Variants in SMOC2 observed in about 807,000 individuals in gnomAD.
SMOC2 encodes SPARC-related modular calcium-binding protein 2.
In SMOC2, 39 loss-of-function variants were observed where a neutral mutation model predicts 61.4. The observed-to-expected ratio is 0.64, with a 90% CI of 0.49 to 0.83. The LOEUF (loss-of-function observed/expected upper bound fraction) is 0.83. Ranked by LOEUF, SMOC2 falls within the 40% of genes least tolerant of loss-of-function variation. The probability of loss-of-function intolerance (pLI) is 0.00; values close to 1 mark genes in which losing one functional copy is unlikely to be tolerated. For synonymous variants in SMOC2, 247 were observed against 239.9 expected, an observed-to-expected ratio of 1.03 and a Z score of -0.27; for missense variants, 556 against 592.9, an observed-to-expected ratio of 0.94 and a Z score of 0.65.
At position 168,539,840 on chromosome 6, in the gene SMOC2, T is replaced by C. The variant is rs147455270; in HGVS notation, c.464-3785T>C. 3.2e-4 allele frequency among the ~76,000 whole-genome samples: 49 copies of C among 152,232 alleles called. No homozygotes were observed. The East Asian group carries it at 7.0e-3, about 22-fold the overall frequency. The stretch of plus-strand genomic sequence containing the variant: ...CTCTTCCTCAGAGAGGCCTTTCTGC[T>C]CAAAGTCAGCTCTCCTGAGGACTAA... On this transcript the variant is annotated intron_variant, in intron 4 of 12. Coordinates refer to ENST00000356284, the MANE Select transcript of SMOC2 (RefSeq NM_001166412.2).
chr6:168,576,636 C>T (rs1281581182), intron 7 of SMOC2, among the ~76,000 whole-genome samples: 1 of 152,030 alleles, frequency 6.6e-6, no homozygotes, highest in Non-Finnish European at 1.5e-5. Context: ...CTCCATGGAA[C>T]CCCCAACCAC....
intron 1 of SMOC2, among the ~76,000 whole-genome samples, chr6:168,502,747 T>C (rs1012678865): frequency 2.7e-5 from 1 of 37,660 alleles, no homozygotes; most frequent in Admixed American, 2.3e-4. Flanking sequence ...TTTAATTTAA[T>C]TTAATTTAAT....
Position 168,488,561 on chromosome 6 carries a change from G to A in SMOC2, c.85-21354G>A, listed in dbSNP as rs181253341. On this transcript the variant is annotated intron_variant, in intron 1 of 12. Transcript: ENST00000356284. The stretch of plus-strand genomic sequence containing the variant: ...TCCATCTGCTGAAAGCCAGGGCACT[G>A]TGGGTGGGAGGCAGAGAAAACTAAC... 3.7e-3 allele frequency among the ~76,000 whole-genome samples: 562 copies of A among 152,336 alleles called. 3 individuals are homozygous for A. The highest frequency in any genetic ancestry group is 0.013 in the African/African-American group (543 of 41,580).
intron 1 of SMOC2, among the ~76,000 whole-genome samples, chr6:168,496,998 A>G (rs1782606865): frequency 6.6e-6 from 1 of 152,226 alleles, no homozygotes; most frequent in Admixed American, 6.5e-5. Flanking sequence ...CCCGGCAAGC[A>G]TGGGGAAGGC....
intron 9 of SMOC2, among the ~76,000 whole-genome samples, chr6:168,635,121 TTC>T (rs1454424228): frequency 1.3e-5 from 2 of 151,912 alleles, no homozygotes; most frequent in Non-Finnish European, 2.9e-5. Context: ...ACTTCACGAG[TTC>T]TCTCTTATTT....
At position 168,534,488 on chromosome 6, in the gene SMOC2, C is replaced by T. The variant is rs1583088419; in HGVS notation, c.463+6761C>T. On this transcript the variant is annotated intron_variant, in intron 4 of 12. Transcript: ENST00000356284. ...CCCTGCGTCCCGCCCTGGCCCTTCC[C>T]TGGGTGATGACTCCAGAGGCCCTTG... is the stretch of plus-strand genomic sequence containing the variant. Among the ~76,000 whole-genome samples, 3 of 152,350 alleles carry T rather than the reference C, an allele frequency of 2.0e-5. No individual in the cohort carries two copies. The East Asian group carries it at 5.8e-4, about 29-fold the overall frequency.
intron 9 of SMOC2, among the ~76,000 whole-genome samples, chr6:168,638,624 G>T (rs1314653228): frequency 6.6e-6 from 1 of 152,178 alleles, no homozygotes; most frequent in African/African-American, 2.4e-5. Flanking sequence ...GGCCCATCAG[G>T]AGGGACAGCC....
At chr6:168,662,710 G>T (rs190321613) in intron 11 of SMOC2, among the ~76,000 whole-genome samples, 1 of 152,158 alleles carries the variant, frequency 6.6e-6, no homozygotes, top group Non-Finnish European at 1.5e-5. Flanking sequence ...GTGTCTGCTC[G>T]GGTCCACGTG....
At chr6:168,560,339 C>G (rs1188676842) in intron 7 of SMOC2, among the ~76,000 whole-genome samples, 4 of 152,218 alleles carry the variant, frequency 2.6e-5, no homozygotes, top group African/African-American at 9.6e-5. Flanking sequence ...TGTAAAGCAC[C>G]TTCTTCAGTT....
At chr6:168,501,655 G>A (rs1782731530) in intron 1 of SMOC2, among the ~76,000 whole-genome samples, 1 of 152,196 alleles carries the variant, frequency 6.6e-6, no homozygotes, top group African/African-American at 2.4e-5. Flanking sequence ...AAAAGTTCCA[G>A]GTCCACTAAA....
chr6:168,514,011 A>C (rs1487374135), intron 2 of SMOC2, among the ~76,000 whole-genome samples: 1 of 152,214 alleles, frequency 6.6e-6, no homozygotes, highest in Non-Finnish European at 1.5e-5. Context: ...CACAAGGGCC[A>C]GCCATGGGGC....
At position 168,475,938 on chromosome 6, in the gene SMOC2, G is replaced by T. The variant is rs1290039719; in HGVS notation, c.85-33977G>T. Among the ~76,000 whole-genome samples the T allele has an allele frequency of 6.6e-6, 1 of 151,902 alleles. No homozygotes were observed. Among genetic ancestry groups the T allele is most frequent in the Non-Finnish European group, 1.5e-5 (1 of 67,946 alleles). On this transcript the variant is annotated intron_variant, in intron 1 of 12. Coordinates refer to ENST00000356284, the MANE Select transcript of SMOC2 (RefSeq NM_001166412.2). This position sits in a 1 kb window ranked among gnomAD's most constrained non-coding sequence, Gnocchi z 4.6. ...CAGGAGCAGGTGGACCAGGAGGCGT[G>T]GAAGGGCTGAGGTTTGCTAACCGTA...
intron 9 of SMOC2, among the ~76,000 whole-genome samples, chr6:168,609,604 T>C (rs1484666924): frequency 1.3e-5 from 2 of 152,128 alleles, no homozygotes; most frequent in Non-Finnish European, 2.9e-5. Flanking sequence ...CCTCCTCCAT[T>C]ATCTGGTGTC....
chr6:168,451,577 C>T (rs1343904904), intron 1 of SMOC2, among the ~76,000 whole-genome samples: 3 of 140,530 alleles, frequency 2.1e-5, no homozygotes, highest in Non-Finnish European at 1.5e-5. Context: ...CTCGCGCTCT[C>T]TCTCTGTCTC....
intron 7 of SMOC2, among the ~76,000 whole-genome samples, chr6:168,589,178 C>A (rs1785116356): frequency 6.6e-6 from 1 of 151,742 alleles, no homozygotes; most frequent in African/African-American, 2.4e-5. Flanking sequence ...TTATGATGTT[C>A]ATTTCTTTAA....
chr6:168,659,762 T>TA (rs1787449995), intron 11 of SMOC2, among the ~76,000 whole-genome samples: 1 of 107,124 alleles, frequency 9.3e-6, no homozygotes, highest in African/African-American at 3.6e-5. Flanking sequence ...AGGTTGTAGG[T>TA]TGGGTGAGGT....
chr6:168,519,161 A>G (rs748438020), intron 2 of SMOC2, among the ~76,000 whole-genome samples: 9 of 143,042 alleles, frequency 6.3e-5, no homozygotes, highest in Non-Finnish European at 9.2e-5. Flanking sequence ...GCGTGTGTGT[A>G]TGCGTGCATG....
At chr6:168,583,543 G>C (rs559671174) in intron 7 of SMOC2, among the ~76,000 whole-genome samples, 3 of 152,052 alleles carry the variant, frequency 2.0e-5, no homozygotes, top group Non-Finnish European at 4.4e-5. Context: ...GACTACAGGG[G>C]TGTGGGTCTG....
At chr6:168,474,025 T>C (rs1030641766) in intron 1 of SMOC2, among the ~76,000 whole-genome samples, 3 of 152,096 alleles carry the variant, frequency 2.0e-5, no homozygotes, top group Non-Finnish European at 4.4e-5. Flanking sequence ...TAACAACCCA[T>C]TCGCCTCTCC....
Sources: gnomAD v4.1 joint callset for allele counts (sites outside exome capture counted in the v4.1 genomes callset) on GRCh38, gnomAD v4.1.1 for gene constraint, Gnocchi (gnomAD v3.1) non-coding constraint, MANE v1.5 for transcripts, NCBI Gene and HGNC (gene_info 2026-07-23, HGNC 2026-07-21) for gene names.